BMP6: variants seen among roughly 807,000 people sequenced by gnomAD.
The protein encoded by BMP6 is VG-1-R.
In BMP6, 17 loss-of-function variants were observed where a neutral mutation model predicts 54.1. The observed-to-expected ratio is 0.31, with a 90% CI of 0.22 to 0.47. The LOEUF is 0.47. Among genes scored for constraint, BMP6 ranks in the 20% least tolerant of loss-of-function variants. The probability of loss-of-function intolerance (pLI) is 1.00; values close to 1 mark genes in which losing one functional copy is unlikely to be tolerated. For missense variants in BMP6, 720 were observed against 690.4 expected (o/e 1.04, Z -0.48); for synonymous variants, 328 against 291.2 (o/e 1.13, Z -1.28).
At chr6:7,830,555 A>T (rs1029604252) in intron 1 of BMP6, among the ~76,000 whole-genome samples, 1 of 152,198 alleles carries the variant, frequency 6.6e-6, no homozygotes, top group Admixed American at 6.5e-5. Flanking sequence ...ATGGCTGAGA[A>T]GGAGAGATGG....
intron 4 of BMP6, among the ~76,000 whole-genome samples, chr6:7,868,475 G>T (rs1759464762): frequency 6.6e-6 from 1 of 152,230 alleles, no homozygotes; most frequent in African/African-American, 2.4e-5. Context: ...GGAGCGAGAG[G>T]CTTGTTTTGG....
chr6:7,876,987 G>T (rs1471909493), intron 4 of BMP6, among the ~76,000 whole-genome samples: 2 of 151,934 alleles, frequency 1.3e-5, no homozygotes, highest in Non-Finnish European at 2.9e-5. Flanking sequence ...ACAGTCTCTG[G>T]GGTCCTCTGG....
At chr6:7,770,487 T>TCTGA (rs1403077258) in intron 1 of BMP6, among the ~76,000 whole-genome samples, 1 of 152,222 alleles carries the variant, frequency 6.6e-6, no homozygotes, top group Non-Finnish European at 1.5e-5. Context: ...TTTGTCTTCA[T>TCTGA]CTGAGTCCTG....
At chr6:7,822,211 A>G (rs949313532) in intron 1 of BMP6, among the ~76,000 whole-genome samples, 1 of 151,990 alleles carries the variant, frequency 6.6e-6, no homozygotes, top group Non-Finnish European at 1.5e-5. Context: ...GTAGAGATGG[A>G]GTTTCACCAT....
chr6:7,799,740 T>TAAAA (rs34023411), intron 1 of BMP6, among the ~76,000 whole-genome samples: 20 of 145,780 alleles, frequency 1.4e-4, no homozygotes, highest in Admixed American at 2.7e-4. Context: ...ACACTGATTA[T>TAAAA]AAAAAAAAAA....
intron 1 of BMP6, among the ~76,000 whole-genome samples, chr6:7,811,721 G>A (rs537690083): frequency 4.4e-4 from 67 of 152,166 alleles, no homozygotes; most frequent in African/African-American, 1.3e-3. Context: ...CTTCATTGTC[G>A]CTCTAACATC....
At chr6:7,738,271 T>C (rs1013531144) in intron 1 of BMP6, among the ~76,000 whole-genome samples, 1 of 152,182 alleles carries the variant, frequency 6.6e-6, no homozygotes. Flanking sequence ...GAAACCCCCT[T>C]GTGTCAGACC....
intron 1 of BMP6, among the ~76,000 whole-genome samples, chr6:7,765,899 T>C (rs1757679448): frequency 6.6e-6 from 1 of 152,224 alleles, no homozygotes; most frequent in Non-Finnish European, 1.5e-5. Context: ...CAGATTTCTC[T>C]CCGTTACTCC....
intron 2 of BMP6, among the ~76,000 whole-genome samples, chr6:7,861,094 A>T (rs997074933): frequency 4.6e-5 from 7 of 152,154 alleles, no homozygotes; most frequent in African/African-American, 1.4e-4. Flanking sequence ...CAAAAAAAAA[A>T]AAATAAAAAA....
chr6:7,797,303 C>T (rs1012516154), intron 1 of BMP6, among the ~76,000 whole-genome samples: 28 of 152,304 alleles, frequency 1.8e-4, no homozygotes, highest in African/African-American at 5.5e-4. Flanking sequence ...CACCCCCCTC[C>T]CATCCGCCAC....
chr6:7,881,532 G>T lies in BMP6; in HGVS notation c.*1189G>T, dbSNP rs948495919. On this transcript the variant is annotated 3_prime_UTR_variant, in exon 7 of 7. Coordinates refer to ENST00000283147, the MANE Select transcript of BMP6 (RefSeq NM_001718.6). ...AAGACCAGACTTTTAAAAAAAAAGA[G>T]TTTATTTAGAAAGTATCATAGTGTA... 1 of 152,134 alleles carries T rather than the reference G, an allele frequency of 6.6e-6. No individual in the cohort carries two copies. Among genetic ancestry groups the T allele is most frequent in the African/African-American group, 2.4e-5 (1 of 41,322 alleles). 9.4% of individuals were successfully genotyped at this position (152,134 alleles called of 1,614,324 possible).
intron 1 of BMP6, among the ~76,000 whole-genome samples, chr6:7,828,271 A>T (rs1758732531): frequency 1.3e-5 from 2 of 152,244 alleles, no homozygotes; most frequent in Non-Finnish European, 1.5e-5. Flanking sequence ...CTCCAAGAAC[A>T]GTCCTGGGAG....
intron 1 of BMP6, among the ~76,000 whole-genome samples, chr6:7,815,971 C>A (rs1581260173): frequency 6.6e-6 from 1 of 152,324 alleles, no homozygotes; most frequent in East Asian, 1.9e-4. Context: ...TTTTACTAAT[C>A]ACTGGTGTAT....
intron 1 of BMP6, among the ~76,000 whole-genome samples, chr6:7,801,133 G>A (rs1758265314): frequency 6.6e-6 from 1 of 152,212 alleles, no homozygotes; most frequent in Non-Finnish European, 1.5e-5. Flanking sequence ...GCTCTCTCCT[G>A]CACAAATGAA....
At chr6:7,858,145 C>T (rs754987712) in intron 2 of BMP6, among the ~76,000 whole-genome samples, 1 of 152,144 alleles carries the variant, frequency 6.6e-6, no homozygotes, top group Admixed American at 6.5e-5. Flanking sequence ...TGCAGAGGTG[C>T]GATCATGGCT....
intron 1 of BMP6, among the ~76,000 whole-genome samples, chr6:7,813,148 T>TATATATATATATATAA (rs1211230637): frequency 1.1e-5 from 1 of 94,280 alleles, no homozygotes; most frequent in Non-Finnish European, 2.0e-5. Context: ...TATATATATA[T>TATATATATATATATAA]AAAATTAGTG....
intron 1 of BMP6, among the ~76,000 whole-genome samples, chr6:7,756,433 T>C (rs777627425): frequency 1.3e-5 from 2 of 152,232 alleles, no homozygotes; most frequent in Non-Finnish European, 2.9e-5. Flanking sequence ...TAATACCAAT[T>C]GTAAGGTCCT....
Position 7,881,465 on chromosome 6 carries a change from TTATTGTC to T in BMP6, c.*1127_*1133del, listed in dbSNP as rs1759730719. The stretch of plus-strand genomic sequence containing the variant: ...TTTTTTTGTAAATATAAACTATAAT[TTATTGTC>T]TATTTTATATCTGTTTTGCTGTAAC... On this transcript the variant is annotated 3_prime_UTR_variant, in exon 7 of 7. Transcript: ENST00000283147. 1 of 152,614 alleles carries T rather than the reference TTATTGTC, an allele frequency of 6.6e-6. No homozygotes were observed. Among genetic ancestry groups the T allele is most frequent in the African/African-American group, 2.4e-5 (1 of 41,428 alleles). The allele number at this position is 152,614 out of a possible 1,614,324, so 9.5% of individuals were successfully genotyped here. A position where few individuals can be genotyped will look rare whatever the true frequency, so the allele number is the denominator to read the frequency against.
intron 2 of BMP6, among the ~76,000 whole-genome samples, chr6:7,850,976 G>T (rs1213208203): frequency 6.6e-6 from 1 of 151,968 alleles, no homozygotes; most frequent in African/African-American, 2.4e-5. Context: ...CTGTTCCCTG[G>T]GTTAATTTTT....
Sources: gnomAD v4.1 joint callset for allele counts (sites outside exome capture counted in the v4.1 genomes callset) on GRCh38, gnomAD v4.1.1 for gene constraint, MANE v1.5 for transcripts, NCBI Gene and HGNC (gene_info 2026-07-23, HGNC 2026-07-21) for gene names.